BAZ2B: variants seen among roughly 807,000 people sequenced by gnomAD.
BAZ2B encodes the protein bromodomain adjacent to zinc finger domain protein 2B.
Under a neutral mutation model 246.0 loss-of-function variants are expected in BAZ2B, and 91 were observed. That is an observed-to-expected ratio of 0.37 (90% CI 0.31 to 0.44). The LOEUF is 0.44. Among genes scored for constraint, BAZ2B ranks in the 20% least tolerant of loss-of-function variants. BAZ2B has a pLI of 1.00. For synonymous variants in BAZ2B, 855 were observed against 860.0 expected (o/e 0.99, Z 0.10); for missense variants, 2,332 against 2,533.7 (o/e 0.92, Z 1.71).
the BAZ2B span, among the ~76,000 whole-genome samples, chr2:159,688,100 T>C: frequency 2.0e-5 from 3 of 152,216 alleles, no homozygotes; most frequent in Non-Finnish European, 4.4e-5. Context: ...AAAGGCAGTG[T>C]GAGATCCTAG....
At chr2:159,372,903 G>A in intron 27 of BAZ2B, 142 bp downstream of exon 27, 2 of 932,548 alleles carry the variant, frequency 2.1e-6, no homozygotes, top group Non-Finnish European at 3.1e-6. Context: ...GGGGCATTAT[G>A]AGTGCAAAAG....
chr2:159,626,440 A>G, the BAZ2B span, among the ~76,000 whole-genome samples: 1 of 152,212 alleles, frequency 6.6e-6, no homozygotes, highest in Non-Finnish European at 1.5e-5. Flanking sequence ...ACTCCTCAGC[A>G]AATGCAAAAG....
intron 3 of BAZ2B, among the ~76,000 whole-genome samples, chr2:159,472,727 C>T (rs1192029548): frequency 1.3e-5 from 2 of 152,116 alleles, no homozygotes; most frequent in African/African-American, 4.8e-5. Context: ...GCCTTTTCTG[C>T]ATCTATTGAA....
chr2:159,672,769 C>A, the BAZ2B span, among the ~76,000 whole-genome samples: 3 of 152,096 alleles, frequency 2.0e-5, no homozygotes, highest in South Asian at 2.1e-4. Context: ...AGGAAAAATG[C>A]ACTTTTTGAT....
chr2:159,700,384 C>T, the BAZ2B span, among the ~76,000 whole-genome samples: 1 of 152,126 alleles, frequency 6.6e-6, no homozygotes, highest in Admixed American at 6.5e-5. Flanking sequence ...AATGTAAATG[C>T]TATGTAAAAG....
At chr2:159,672,249 T>C in the BAZ2B span, among the ~76,000 whole-genome samples, 5 of 152,220 alleles carry the variant, frequency 3.3e-5, no homozygotes, top group Admixed American at 2.0e-4. Context: ...ATTTCAAAAA[T>C]GTTGAAGAGG....
the BAZ2B span, among the ~76,000 whole-genome samples, chr2:159,658,968 T>C: frequency 3.3e-5 from 5 of 152,186 alleles, no homozygotes; most frequent in African/African-American, 7.2e-5. Flanking sequence ...CTGAAGATTT[T>C]TGCACCTATA....
At chr2:159,344,415 T>C (rs888722937) in intron 31 of BAZ2B, among the ~76,000 whole-genome samples, 3 of 151,512 alleles carry the variant, frequency 2.0e-5, no homozygotes, top group Middle Eastern at 3.2e-3. Flanking sequence ...ATGCCTGTAA[T>C]CCCAGCTACT....
chr2:159,402,775 T>C (rs144417941), intron 16 of BAZ2B, among the ~76,000 whole-genome samples: 144 of 152,302 alleles, frequency 9.5e-4, no homozygotes, highest in African/African-American at 3.2e-3. Context: ...TATATATCCA[T>C]ACATATTTGG....
At chr2:159,478,459 C>T (rs1577555968) in intron 3 of BAZ2B, 116 bp downstream of exon 3, 1 of 1,159,772 alleles carries the variant, frequency 8.6e-7, no homozygotes, top group Non-Finnish European at 1.2e-6. Context: ...TTAACCTAGC[C>T]TTTATTCAAC....
At chr2:159,500,534 C>T (rs1230194636) in intron 2 of BAZ2B, among the ~76,000 whole-genome samples, 2 of 152,060 alleles carry the variant, frequency 1.3e-5, no homozygotes. Flanking sequence ...TATAATATTC[C>T]TAGTTTTTAT....
At chr2:159,516,437 G>A (rs750675791) in intron 2 of BAZ2B, 2 of 152,408 alleles carry the variant, frequency 1.3e-5, no homozygotes, top group African/African-American at 4.8e-5. Flanking sequence ...GTCAGCATAT[G>A]TCTTTTATCA....
At chr2:159,654,566 T>C in the BAZ2B span, among the ~76,000 whole-genome samples, 2 of 152,080 alleles carry the variant, frequency 1.3e-5, no homozygotes, top group African/African-American at 4.8e-5. Context: ...CAGTTTAATA[T>C]GAAAGTGAGG....
the BAZ2B span, among the ~76,000 whole-genome samples, chr2:159,692,448 G>A: frequency 2.6e-5 from 4 of 152,096 alleles, no homozygotes; most frequent in African/African-American, 9.7e-5. Context: ...ATGAGCCACC[G>A]TGCCTGGCTT....
At chr2:159,568,334 T>A (rs981910654) in intron 1 of BAZ2B, among the ~76,000 whole-genome samples, 1 of 152,252 alleles carries the variant, frequency 6.6e-6, no homozygotes, top group African/African-American at 2.4e-5. Context: ...GCATGCAGCC[T>A]TTCAACAAAA....
chr2:159,430,336 G>C (rs1477337172), intron 10 of BAZ2B, among the ~76,000 whole-genome samples: 1 of 152,102 alleles, frequency 6.6e-6, no homozygotes, highest in Non-Finnish European at 1.5e-5. Context: ...ATTTCCTCTT[G>C]CTTATGATTT....
At chr2:159,501,205 T>A (rs12995048) in intron 2 of BAZ2B, among the ~76,000 whole-genome samples, 8,790 of 75,296 alleles carry the variant, frequency 0.12, 832 homozygotes, top group Middle Eastern at 0.2. Context: ...ATATATATTT[T>A]TATATATATT....
chr2:159,316,182 CAG>C (rs2148667965), downstream of BAZ2B, among the ~76,000 whole-genome samples: 1 of 152,158 alleles, frequency 6.6e-6, no homozygotes, highest in South Asian at 2.1e-4. Context: ...AAAAGTAACA[CAG>C]AGGGGCTTTG....
chr2:159,536,740 C>T (rs575372021), intron 2 of BAZ2B, among the ~76,000 whole-genome samples: 4 of 152,028 alleles, frequency 2.6e-5, no homozygotes, highest in African/African-American at 7.2e-5. Flanking sequence ...ATTTCAAAAA[C>T]CAATGTTAAG....
Sources: allele counts gnomAD v4.1 joint callset (sites outside exome capture counted in the v4.1 genomes callset), GRCh38; gene constraint gnomAD v4.1.1; transcripts MANE v1.5; gene names NCBI Gene and HGNC (gene_info 2026-07-23, HGNC 2026-07-21).